Variants in KIAA2012 observed in about 807,000 individuals in gnomAD.
KIAA2012 encodes KIAA2012, also known as uncharacterized protein KIAA2012.
A neutral mutation model predicts 150.6 loss-of-function variants in KIAA2012; 125 were observed. The observed-to-expected ratio is 0.83, with a 90% CI of 0.72 to 0.96. KIAA2012 has a LOEUF of 0.96. Among genes scored for constraint, KIAA2012 ranks in the 40% least tolerant of loss-of-function variants. The probability of loss-of-function intolerance (pLI) is 0.00; values close to 1 mark genes in which losing one functional copy is unlikely to be tolerated. For missense variants in KIAA2012, 1,219 were observed against 1,354.9 expected, an observed-to-expected ratio of 0.90 and a Z score of 1.57; for synonymous variants, 462 against 504.7, an observed-to-expected ratio of 0.92 and a Z score of 1.13.
chr2:202,082,855 T>A (rs1322506532), intron 2 of KIAA2012, among the ~76,000 whole-genome samples: 1 of 151,964 alleles, frequency 6.6e-6, no homozygotes, highest in Non-Finnish European at 1.5e-5. Flanking sequence ...TTTCATTTTT[T>A]TTTTTTTTTT....
chr2:202,091,491 T>C (rs1472447068), intron 3 of KIAA2012, among the ~76,000 whole-genome samples: 3 of 152,164 alleles, frequency 2.0e-5, no homozygotes, highest in Admixed American at 6.5e-5. Flanking sequence ...AGGAGTGCGA[T>C]GGACACCCTT....
intron 19 of KIAA2012, among the ~76,000 whole-genome samples, chr2:202,192,154 C>T (rs1304351704): frequency 2.0e-5 from 3 of 152,140 alleles, no homozygotes; most frequent in Non-Finnish European, 2.9e-5. Flanking sequence ...TCTGAACCTG[C>T]GGGATCATCA....
chr2:202,092,678 C>T (rs2105916066), intron 3 of KIAA2012, among the ~76,000 whole-genome samples: 1 of 152,220 alleles, frequency 6.6e-6, no homozygotes, highest in South Asian at 2.1e-4. Context: ...ATGGGGCCTA[C>T]AGAAGCAAAT....
At chr2:202,133,572 T>A (rs1414418407) in intron 12 of KIAA2012, among the ~76,000 whole-genome samples, 1 of 152,198 alleles carries the variant, frequency 6.6e-6, no homozygotes, top group Non-Finnish European at 1.5e-5. Flanking sequence ...CATATTTAAA[T>A]TCAGACTGAC....
chr2:202,176,716 GA>G (rs1184527014), intron 15 of KIAA2012, among the ~76,000 whole-genome samples: 1 of 151,840 alleles, frequency 6.6e-6, no homozygotes, highest in Non-Finnish European at 1.5e-5. Flanking sequence ...ACTAACAGAA[GA>G]AGAAACACAA....
intron 13 of KIAA2012, among the ~76,000 whole-genome samples, chr2:202,149,080 G>A (rs1412157723): frequency 6.6e-6 from 1 of 152,152 alleles, no homozygotes; most frequent in East Asian, 1.9e-4. Flanking sequence ...CCCCTTCCAG[G>A]ATTTAGTTCC....
intron 19 of KIAA2012, among the ~76,000 whole-genome samples, chr2:202,192,227 A>G (rs993575762): frequency 6.6e-6 from 1 of 152,168 alleles, no homozygotes; most frequent in African/African-American, 2.4e-5. Context: ...CTAAAAAGCA[A>G]GGAGCTTTTT....
intron 18 of KIAA2012, among the ~76,000 whole-genome samples, chr2:202,188,838 G>A (rs188239544): frequency 6.6e-5 from 10 of 152,220 alleles, no homozygotes; most frequent in African/African-American, 1.4e-4. Flanking sequence ...TCCAAGCTAC[G>A]GTTTCTGTCT....
At chr2:202,090,420 A>G (rs1689687194) in intron 2 of KIAA2012, among the ~76,000 whole-genome samples, 1 of 152,246 alleles carries the variant, frequency 6.6e-6, no homozygotes, top group Admixed American at 6.5e-5. Flanking sequence ...TGGCTTTCCC[A>G]TTACAGTACA....
intron 13 of KIAA2012, among the ~76,000 whole-genome samples, chr2:202,148,996 G>A (rs1479112204): frequency 1.3e-5 from 2 of 152,182 alleles, no homozygotes; most frequent in Non-Finnish European, 1.5e-5. Context: ...AGGCTGCCAT[G>A]GGCAAGGAAC....
intron 2 of KIAA2012, among the ~76,000 whole-genome samples, chr2:202,081,477 G>T (rs1037139883): frequency 1.3e-5 from 2 of 151,354 alleles, no homozygotes; most frequent in African/African-American, 4.9e-5. Context: ...CACCAGCAGC[G>T]CACAAGAGTT....
At position 202,104,782 on chromosome 2, in the gene KIAA2012, G is replaced by A. The variant is rs1160148518; in HGVS notation, c.1325-979G>A. Reference sequence around the variant, plus strand: ...AGTCATTTACTGTGTCTAGGAATTGGCCAGCCCTGGGAGGGACAGTCAGGT... The same window carrying A: ...AGTCATTTACTGTGTCTAGGAATTGACCAGCCCTGGGAGGGACAGTCAGGT... On this transcript the variant is annotated intron_variant, in intron 8 of 23. Coordinates refer to ENST00000498697, the MANE Select transcript of KIAA2012 (RefSeq NM_001277372.4). The surrounding 1 kb of genome is among the most constrained non-coding windows in gnomAD (Gnocchi z 4.3). Among the ~76,000 whole-genome samples the A allele has an allele frequency of 6.6e-6, 1 of 152,118 alleles. No individual in the cohort carries two copies. The highest frequency in any genetic ancestry group is 1.5e-5 in the Non-Finnish European group (1 of 68,020).
intron 14 of KIAA2012, among the ~76,000 whole-genome samples, chr2:202,164,297 T>A (rs1435772813): frequency 6.6e-6 from 1 of 152,182 alleles, no homozygotes; most frequent in African/African-American, 2.4e-5. Context: ...AAGAGCATGA[T>A]TCTCAGTCCT....
chr2:202,167,935 A>G (rs2105725468), intron 15 of KIAA2012, among the ~76,000 whole-genome samples: 1 of 152,250 alleles, frequency 6.6e-6, no homozygotes, highest in East Asian at 1.9e-4. Flanking sequence ...GATCAAGAGT[A>G]CTGATTATGT....
chr2:202,174,952 T>G (rs1436846006), intron 15 of KIAA2012, among the ~76,000 whole-genome samples: 1 of 152,242 alleles, frequency 6.6e-6, no homozygotes, highest in Non-Finnish European at 1.5e-5. Flanking sequence ...TTTAAATAAT[T>G]CTTTAATATA....
chr2:202,185,771 G>A (rs1244018593), intron 16 of KIAA2012, among the ~76,000 whole-genome samples: 1 of 151,944 alleles, frequency 6.6e-6, no homozygotes, highest in Non-Finnish European at 1.5e-5. Flanking sequence ...CAGGTTTGTG[G>A]TTCTCATTTG....
At position 202,203,772 on chromosome 2, in the gene KIAA2012, CT is replaced by C. The variant is rs34967234; in HGVS notation, c.*20+1200del. Among the ~76,000 whole-genome samples the C allele has an allele frequency of 7.7e-3, 1,110 of 143,912 alleles. 8 individuals are homozygous for C. The highest frequency in any genetic ancestry group is 0.01 in the Non-Finnish European group (673 of 65,636). The allele number at this position is 143,912 out of a possible 152,430, so 94.4% of individuals were successfully genotyped here. A position where few individuals can be genotyped will look rare whatever the true frequency, so the allele number is the denominator to read the frequency against. On this transcript the variant is annotated intron_variant, in intron 23 of 23. Coordinates refer to ENST00000498697, the MANE Select transcript of KIAA2012 (RefSeq NM_001277372.4). ...AATTACATTGACTCTACCAGGATGT[CT>C]TTTTTTTTTTTTTTGAGACGGAGTC... is the stretch of plus-strand genomic sequence containing the variant.
intron 13 of KIAA2012, among the ~76,000 whole-genome samples, chr2:202,151,619 C>A (rs2105950855): frequency 6.6e-6 from 1 of 152,268 alleles, no homozygotes; most frequent in Admixed American, 6.5e-5. Context: ...AGACTAGTCA[C>A]CACCTAAAAG....
chr2:202,087,510 C>CAAAAAAAAAAAAAAAAAAAAAAAAAAAA (rs59728832), intron 2 of KIAA2012, among the ~76,000 whole-genome samples: 1 of 52,524 alleles, frequency 1.9e-5, no homozygotes, highest in Non-Finnish European at 3.3e-5. Flanking sequence ...GAAACCATCT[C>CAAAAAAAAAAAAAAAAAAAAAAAAAAAA]AAAAAAAAAA....
Sources: allele counts gnomAD v4.1 joint callset (sites outside exome capture counted in the v4.1 genomes callset), GRCh38; gene constraint gnomAD v4.1.1; non-coding constraint Gnocchi (gnomAD v3.1); transcripts MANE v1.5; gene names NCBI Gene and HGNC (gene_info 2026-07-23, HGNC 2026-07-21).